The following NRXN1 variants were observed in gnomAD, a reference collection of about 807,000 sequenced individuals.
The protein encoded by NRXN1 is neurexin 1.
NRXN1 carries 39 observed loss-of-function variants against 150.9 expected under a neutral mutation model. The observed-to-expected ratio is 0.26, with a 90% CI of 0.20 to 0.34. NRXN1 has a LOEUF of 0.34. Among genes scored for constraint, NRXN1 ranks in the 10% least tolerant of loss-of-function variants. The pLI is 1.00. For synonymous variants in NRXN1, 924 were observed against 757.0 expected, an observed-to-expected ratio of 1.22 and a Z score of -3.62; for missense variants, 1,815 against 1,949.9, an observed-to-expected ratio of 0.93 and a Z score of 1.30.
intron 21 of NRXN1, among the ~76,000 whole-genome samples, chr2:50,019,983 A>G (rs1363527674): frequency 1.4e-5 from 2 of 143,454 alleles, no homozygotes; most frequent in Non-Finnish European, 3.0e-5. Context: ...AGAGAGAGAG[A>G]GAGACCTAGG....
chr2:50,746,955 T>C (rs919692018), intron 5 of NRXN1, among the ~76,000 whole-genome samples: 3 of 152,238 alleles, frequency 2.0e-5, no homozygotes, highest in Non-Finnish European at 2.9e-5. Context: ...TCTAGTTAGC[T>C]TCTTCAATGT....
At chr2:50,924,755 C>T (rs937576653) in intron 3 of NRXN1, among the ~76,000 whole-genome samples, 1 of 151,556 alleles carries the variant, frequency 6.6e-6, no homozygotes, top group African/African-American at 2.4e-5. Context: ...ATTTAAATAA[C>T]AAAACAGAAA....
At chr2:50,185,802 C>G (rs960917677) in intron 18 of NRXN1, among the ~76,000 whole-genome samples, 2 of 152,088 alleles carry the variant, frequency 1.3e-5, no homozygotes, top group African/African-American at 4.8e-5. Context: ...CTTACAACAA[C>G]TAGCTTTTAT....
intron 17 of NRXN1, among the ~76,000 whole-genome samples, chr2:50,315,199 G>A (rs1315525188): frequency 6.6e-6 from 1 of 151,800 alleles, no homozygotes; most frequent in African/African-American, 2.4e-5. Flanking sequence ...TAGTATTTAA[G>A]TGCTTAACAA....
intron 5 of NRXN1, among the ~76,000 whole-genome samples, chr2:50,800,830 G>C (rs560556341): frequency 1.3e-5 from 2 of 152,134 alleles, no homozygotes; most frequent in Non-Finnish European, 2.9e-5. Context: ...GATTACAGGC[G>C]TGAGCCAGCA....
chr2:50,807,870 T>C (rs1667716410), intron 5 of NRXN1, among the ~76,000 whole-genome samples: 1 of 152,182 alleles, frequency 6.6e-6, no homozygotes, highest in Non-Finnish European at 1.5e-5. Context: ...AATTGTCACC[T>C]GTTTTCTAGA....
intron 19 of NRXN1, among the ~76,000 whole-genome samples, chr2:50,068,356 T>C (rs1695688288): frequency 6.6e-6 from 1 of 151,728 alleles, no homozygotes; most frequent in South Asian, 2.1e-4. Flanking sequence ...TGTAGATAAA[T>C]TGAATACTAT....
chr2:50,656,427 A>G (rs1686471501), intron 5 of NRXN1: 1 of 769,240 alleles, frequency 1.3e-6, no homozygotes, highest in Non-Finnish European at 2.4e-6. Flanking sequence ...GAGTTTATAA[A>G]GTTCTAGAAG....
At chr2:49,942,288 G>A (rs571321057) in intron 22 of NRXN1, among the ~76,000 whole-genome samples, 4 of 152,212 alleles carry the variant, frequency 2.6e-5, no homozygotes, top group Middle Eastern at 6.8e-3. Context: ...GTCCTGTTGC[G>A]AGGTGACTGC....
At chr2:50,940,576 A>T (rs1226122204) in intron 2 of NRXN1, among the ~76,000 whole-genome samples, 1 of 152,194 alleles carries the variant, frequency 6.6e-6, no homozygotes, top group African/African-American at 2.4e-5. Flanking sequence ...CAACTTCAAA[A>T]GAAATAGTGT....
intron 17 of NRXN1, among the ~76,000 whole-genome samples, chr2:50,333,683 G>A (rs141726477): frequency 0.021 from 3,146 of 152,000 alleles, 34 homozygotes; most frequent in Non-Finnish European, 0.033. Flanking sequence ...AAAGACAGCA[G>A]AATGGATTTG....
chr2:49,958,548 A>G (rs889787238), intron 21 of NRXN1, among the ~76,000 whole-genome samples: 4 of 152,022 alleles, frequency 2.6e-5, no homozygotes, highest in Non-Finnish European at 5.9e-5. Flanking sequence ...CTTCGTTATC[A>G]TTGCTTAGAT....
intron 18 of NRXN1, among the ~76,000 whole-genome samples, chr2:50,179,280 A>C (rs946892168): frequency 6.6e-6 from 1 of 152,144 alleles, no homozygotes; most frequent in East Asian, 1.9e-4. Context: ...TCACATCAGC[A>C]TATTAGCCAC....
intron 5 of NRXN1, among the ~76,000 whole-genome samples, chr2:50,882,605 G>A (rs1679615978): frequency 6.6e-6 from 1 of 151,704 alleles, no homozygotes; most frequent in Non-Finnish European, 1.5e-5. Context: ...GATAAAAATT[G>A]AGCGCCAAGT....
chr2:50,006,443 A>G (rs541220624), intron 21 of NRXN1, among the ~76,000 whole-genome samples: 188 of 152,230 alleles, frequency 1.2e-3, no homozygotes, highest in Admixed American at 1.8e-3. Flanking sequence ...ACTCCTTAGC[A>G]GGTTTTCTAT....
chr2:50,451,948 A>G (rs892988805), intron 17 of NRXN1, among the ~76,000 whole-genome samples: 5 of 152,200 alleles, frequency 3.3e-5, no homozygotes, highest in Non-Finnish European at 7.3e-5. Context: ...ACTGTTTTTT[A>G]ATTATGAAAA....
At chr2:50,999,955 C>A (rs934511396) in intron 2 of NRXN1, among the ~76,000 whole-genome samples, 1 of 151,992 alleles carries the variant, frequency 6.6e-6, no homozygotes, top group Non-Finnish European at 1.5e-5. Context: ...TTTTCAGATA[C>A]TTTTCAAATA....
chr2:50,855,564 T>C (rs970388242), intron 5 of NRXN1, among the ~76,000 whole-genome samples: 1 of 152,032 alleles, frequency 6.6e-6, no homozygotes, highest in Non-Finnish European at 1.5e-5. Context: ...GTGCCAGAGG[T>C]TGAGAAATGA....
chr2:50,528,219 C>T (rs1023610729), intron 12 of NRXN1, among the ~76,000 whole-genome samples: 7 of 145,692 alleles, frequency 4.8e-5, no homozygotes, highest in Non-Finnish European at 1.0e-4. Flanking sequence ...AATAGTAACT[C>T]TCGAAGTAAG....
Sources: allele counts gnomAD v4.1 joint callset (sites outside exome capture counted in the v4.1 genomes callset), GRCh38; gene constraint gnomAD v4.1.1; transcripts MANE v1.5; gene names NCBI Gene and HGNC (gene_info 2026-07-23, HGNC 2026-07-21).